The following RYR3 variants were observed in gnomAD, a reference collection of about 807,000 sequenced individuals.
The protein encoded by RYR3 is ryanodine receptor 3.
A neutral mutation model predicts 584.3 loss-of-function variants in RYR3; 207 were observed. The ratio of observed to expected loss-of-function variants is 0.35; its 90% CI spans 0.32 to 0.40. RYR3 has a LOEUF of 0.40. RYR3 is among the 10% of genes least tolerant of loss of function. The pLI is 1.00. For synonymous variants in RYR3, 2,416 were observed against 2,248.5 expected, an observed-to-expected ratio of 1.07 and a Z score of -2.11; for missense variants, 5,616 against 6,089.2, an observed-to-expected ratio of 0.92 and a Z score of 2.59.
intron 28 of RYR3, among the ~76,000 whole-genome samples, chr15:33,645,165 G>T (rs768991085): frequency 6.6e-6 from 1 of 152,152 alleles, no homozygotes; most frequent in Non-Finnish European, 1.5e-5. Flanking sequence ...ATTTTAAGCT[G>T]ACGTCTGATC....
At chr15:33,695,655 A>T (rs2065790272) in intron 38 of RYR3, among the ~76,000 whole-genome samples, 1 of 152,182 alleles carries the variant, frequency 6.6e-6, no homozygotes, top group Non-Finnish European at 1.5e-5. Context: ...GTATTGTTTA[A>T]TCAAAATAGA....
In RYR3 at chr15:33,748,549, G is replaced by A. The variant is rs1366236931; in HGVS notation, c.8199+19G>A. 1.2e-6 allele frequency: 2 copies of A among 1,605,150 alleles called. No homozygotes were observed. Among genetic ancestry groups the A allele is most frequent in the Non-Finnish European group, 1.7e-6 (2 of 1,173,906 alleles). ...GCTCCAGGTCAGTGCCCCAGGTCCA[G>A]CATGACTTGCTTTCAAGTGCAGGAC... On this transcript the variant is annotated intron_variant, in intron 55 of 103. Transcript: ENST00000634891.
chr15:33,825,722 T>TA, intron 82 of RYR3, 46 bp downstream of exon 82: 38 of 636,184 alleles, frequency 6.0e-5, no homozygotes, highest in Middle Eastern at 4.8e-4. Context: ...CTGATTAAAA[T>TA]CTTTTTTTTT....
Position 33,725,973 on chromosome 15 carries a change from C to CACCG in RYR3, c.6913-413_6913-412insACCG, listed in dbSNP as rs1555427564. Among the ~76,000 whole-genome samples the CACCG allele has an allele frequency of 3.0e-4, 7 of 23,054 alleles. 1 individual carries two copies. Among genetic ancestry groups the CACCG allele is most frequent in the African/African-American group, 7.4e-4 (7 of 9,482 alleles). The allele number at this position is 23,054 out of a possible 152,430, so 15.1% of individuals were successfully genotyped here. On this transcript the variant is annotated intron_variant, in intron 45 of 103. Coordinates refer to ENST00000634891, the MANE Select transcript of RYR3 (RefSeq NM_001036.6). ...TGACAGAGCAAGACTCCATCCCCCCCCCCAAAAAAAAAAAAAAAAAAAAAC... is the reference window on the plus strand; with the variant it reads ...TGACAGAGCAAGACTCCATCCCCCCCACCGCCCAAAAAAAAAAAAAAAAAAAAAC...
At chr15:33,503,577 A>G in intron 2 of RYR3, 54 bp from the exon 3 acceptor site, 1 of 1,046,404 alleles carries the variant, frequency 9.6e-7, no homozygotes, top group South Asian at 1.4e-5. Context: ...TTGTTGCGTG[A>G]CTGATCTCTG....
chr15:33,510,226 C>A (rs961217480), intron 3 of RYR3, among the ~76,000 whole-genome samples: 1 of 152,146 alleles, frequency 6.6e-6, no homozygotes, highest in Non-Finnish European at 1.5e-5. Context: ...ATAATGCCAC[C>A]AACTGGAAAT....
rs144863600 is a variant in RYR3 at position 33,423,833 on chromosome 15, T to C, written c.52-49586T>C. On this transcript the variant is annotated intron_variant, in intron 1 of 103. Coordinates refer to ENST00000634891, the MANE Select transcript of RYR3 (RefSeq NM_001036.6). ...TTCCTATTTTTGCCATAGAAAATAA[T>C]TGATTATAGACTTTTATTTCCAAGT... Among the ~76,000 whole-genome samples, 866 of 152,304 alleles carry C rather than the reference T, an allele frequency of 5.7e-3. 9 individuals carry two copies. The highest frequency in any genetic ancestry group is 0.02 in the African/African-American group (842 of 41,554).
chr15:33,478,459 C>A (rs753545387), intron 2 of RYR3, among the ~76,000 whole-genome samples: 2 of 152,166 alleles, frequency 1.3e-5, no homozygotes, highest in African/African-American at 4.8e-5. Flanking sequence ...CTACAAGAGT[C>A]GCTGCACTCC....
chr15:33,759,799 A>C (rs140274971), intron 60 of RYR3, among the ~76,000 whole-genome samples: 1,844 of 152,304 alleles, frequency 0.012, 39 homozygotes, highest in African/African-American at 0.041. Flanking sequence ...AGAGAACACC[A>C]CAAAGATACT....
Position 33,652,817 on chromosome 15 carries a change from C to G in RYR3, c.4242C>G (p.Leu1414=), listed in dbSNP as rs747806695. 7 of 1,613,878 alleles carry G rather than the reference C, an allele frequency of 4.3e-6. No individual in the cohort carries two copies. Among genetic ancestry groups the G allele is most frequent in the East Asian group, 4.5e-5 (2 of 44,888 alleles). Residue 1414 remains leucine (L), a synonymous_variant, in exon 32 of 104, where the codon CTC becomes CTG. Coordinates refer to ENST00000634891, the MANE Select transcript of RYR3 (RefSeq NM_001036.6). The part of the protein sequence containing the change: ...RSNVDLEIGC[L]VDLAMGMLSF... The stretch of plus-strand genomic sequence containing the variant: ...ACGTGGACCTGGAGATCGGCTGTCT[C>G]GTGGATCTGGCCATGGGCATGTTGT...
chr15:33,515,984 AG>A (rs2053482811), intron 3 of RYR3, among the ~76,000 whole-genome samples: 1 of 152,190 alleles, frequency 6.6e-6, no homozygotes. Context: ...AGGAATTTCT[AG>A]GGTGTCTATT....
intron 16 of RYR3, among the ~76,000 whole-genome samples, chr15:33,590,039 G>A (rs1567610104): frequency 6.6e-6 from 1 of 152,118 alleles, no homozygotes; most frequent in African/African-American, 2.4e-5. Context: ...TATAGGATTT[G>A]GGTGGGTAGT....
At chr15:33,844,490 G>T (rs1260572846) in intron 92 of RYR3, among the ~76,000 whole-genome samples, 1 of 152,182 alleles carries the variant, frequency 6.6e-6, no homozygotes, top group African/African-American at 2.4e-5. Flanking sequence ...AGTGGTGGGT[G>T]GGGGAGCGGG....
At chr15:33,832,008 A>T (rs2077707501) in intron 86 of RYR3, among the ~76,000 whole-genome samples, 1 of 152,190 alleles carries the variant, frequency 6.6e-6, no homozygotes, top group Non-Finnish European at 1.5e-5. Flanking sequence ...TAAGATGATC[A>T]TACAGCCAGA....
intron 1 of RYR3, among the ~76,000 whole-genome samples, chr15:33,375,815 A>C (rs1393215738): frequency 6.6e-6 from 1 of 152,248 alleles, no homozygotes; most frequent in East Asian, 1.9e-4. Context: ...CTGTAATCCC[A>C]GCACTCTGGG....
At chr15:33,508,996 T>C (rs1056101429) in intron 3 of RYR3, among the ~76,000 whole-genome samples, 6 of 152,188 alleles carry the variant, frequency 3.9e-5, no homozygotes, top group Admixed American at 2.0e-4. Context: ...ACATACATTA[T>C]GCTATATCCG....
chr15:33,762,279 T>G (rs185880487), intron 60 of RYR3, among the ~76,000 whole-genome samples: 13 of 152,140 alleles, frequency 8.5e-5, no homozygotes, highest in South Asian at 4.2e-4. Flanking sequence ...GAGAAAGAAA[T>G]AAAGCGTATT....
chr15:33,316,219 C>T (rs948769368), intron 1 of RYR3, among the ~76,000 whole-genome samples: 1 of 152,076 alleles, frequency 6.6e-6, no homozygotes, highest in Admixed American at 6.5e-5. Flanking sequence ...GCTATCTGTG[C>T]TTATTTGCCT....
chr15:33,765,699 G>A (rs550084166), intron 60 of RYR3, among the ~76,000 whole-genome samples: 1 of 150,910 alleles, frequency 6.6e-6, no homozygotes, highest in South Asian at 2.1e-4. Flanking sequence ...CTAGCATCCA[G>A]TGAACAGTGT....
Sources: gnomAD v4.1 joint callset for allele counts (sites outside exome capture counted in the v4.1 genomes callset) on GRCh38, gnomAD v4.1.1 for gene constraint, MANE v1.5 for transcripts, NCBI Gene and HGNC (gene_info 2026-07-23, HGNC 2026-07-21) for gene names.